The following CD40LG variants were observed in gnomAD, a reference collection of about 807,000 sequenced individuals.
CD40LG encodes CD40 antigen ligand.
A neutral mutation model predicts 17.2 loss-of-function variants in CD40LG; 1 was observed. The observed-to-expected ratio is 0.06, with a 90% confidence interval of 0.02 to 0.28. The LOEUF (loss-of-function observed/expected upper bound fraction) is 0.28, where lower values mean the gene tolerates loss of function less well. CD40LG is among the 10% of genes least tolerant of loss of function. The pLI is 1.00. For missense variants in CD40LG, 133 were observed against 193.2 expected (o/e 0.69, Z 1.85); for synonymous variants, 66 against 74.4 (o/e 0.89, Z 0.58).
At chrX:136,656,541 A>G (rs2076119746) in intron 4 of CD40LG, 123 bp downstream of exon 4, 1 of 574,463 alleles carries the variant, frequency 1.7e-6, no homozygotes, top group Admixed American at 2.4e-5. Flanking sequence ...CTACCCCTAC[A>G]CTTCTCCTAT....
chrX:136,649,474 C>T (rs2076098105), intron 1 of CD40LG, among the ~76,000 whole-genome samples: 1 of 112,314 alleles, frequency 8.9e-6, no homozygotes, highest in Admixed American at 9.4e-5. Context: ...GCCTGATGTG[C>T]TCTGTCAATC....
At chrX:136,656,740 T>C (rs2076120282) in intron 4 of CD40LG, among the ~76,000 whole-genome samples, 1 of 111,739 alleles carries the variant, frequency 8.9e-6, no homozygotes, top group Non-Finnish European at 1.9e-5. Context: ...ACCTCCTGAC[T>C]GGGAGCATCC....
Sources: gnomAD v4.1 joint callset for allele counts (sites outside exome capture counted in the v4.1 genomes callset) on GRCh38, gnomAD v4.1.1 for gene constraint, MANE v1.5 for transcripts, NCBI Gene and HGNC (gene_info 2026-07-23, HGNC 2026-07-21) for gene names.